Variants in MRTFB observed in about 807,000 individuals in gnomAD.
MRTFB encodes myocardin related transcription factor B.
A neutral mutation model predicts 104.2 loss-of-function variants in MRTFB; 29 were observed. The ratio of observed to expected loss-of-function variants is 0.28; its 90% CI spans 0.21 to 0.38. The LOEUF is 0.38. MRTFB is among the 10% of genes least tolerant of loss of function. The pLI, the probability that MRTFB is intolerant of heterozygous loss-of-function variation, is 1.00. For synonymous variants in MRTFB, 535 were observed against 519.5 expected, an observed-to-expected ratio of 1.03 and a Z score of -0.41; for missense variants, 1,270 against 1,341.6, an observed-to-expected ratio of 0.95 and a Z score of 0.83.
intron 2 of MRTFB, among the ~76,000 whole-genome samples, chr16:14,097,728 C>T (rs1454162023): frequency 6.6e-6 from 1 of 152,202 alleles, no homozygotes; most frequent in Non-Finnish European, 1.5e-5. Flanking sequence ...TGTAATCCTT[C>T]CTGCATGCTC....
chr16:14,224,193 A>G (rs894168965), intron 8 of MRTFB, among the ~76,000 whole-genome samples: 1 of 152,190 alleles, frequency 6.6e-6, no homozygotes, highest in South Asian at 2.1e-4. Flanking sequence ...GTCTGCCCCC[A>G]TGATTCCCAC....
At chr16:14,017,805 A>G in the MRTFB span, among the ~76,000 whole-genome samples, 137 of 142,382 alleles carry the variant, frequency 9.6e-4, 1 homozygote, top group Admixed American at 8.1e-3. Context: ...AACCTCCTCA[A>G]ACTCCTGGGT....
chr16:14,243,864 G>GTTTTTTT lies in MRTFB; in HGVS notation c.1080-1657_1080-1651dup, dbSNP rs56296807. ...CAGAGATTAGTTTTGCCTGTTTTGG[G>GTTTTTTT]TTTTTTTTTTTTTGAGACAGAGTCT... On this transcript the variant is annotated intron_variant, in intron 10 of 16. Transcript: ENST00000571589. Among the ~76,000 whole-genome samples the GTTTTTTT allele has an allele frequency of 2.6e-4, 32 of 124,648 alleles. 2 individuals are homozygous for GTTTTTTT. Among genetic ancestry groups the GTTTTTTT allele is most frequent in the African/African-American group, 1.1e-3 (29 of 26,476 alleles). The allele number at this position is 124,648 out of a possible 152,430, so 81.8% of individuals were successfully genotyped here.
the MRTFB span, among the ~76,000 whole-genome samples, chr16:13,998,454 G>T: frequency 6.6e-6 from 1 of 152,046 alleles, no homozygotes; most frequent in Admixed American, 6.6e-5. Context: ...TTCAAGACCA[G>T]CATGGGCAAC....
At chr16:14,025,799 C>CA in the MRTFB span, among the ~76,000 whole-genome samples, 12 of 151,814 alleles carry the variant, frequency 7.9e-5, no homozygotes, top group African/African-American at 2.2e-4. Context: ...GGGCACCATG[C>CA]AAAAAAATGT....
chr16:14,053,465 G>T, the MRTFB span, among the ~76,000 whole-genome samples: 1 of 152,024 alleles, frequency 6.6e-6, no homozygotes, highest in African/African-American at 2.4e-5. Flanking sequence ...GGGCACAGTG[G>T]CTCACATCTG....
intron 3 of MRTFB, among the ~76,000 whole-genome samples, chr16:14,163,703 G>A (rs564685210): frequency 1.7e-4 from 26 of 151,908 alleles, no homozygotes; most frequent in African/African-American, 5.8e-4. Flanking sequence ...TGTGGTGGCG[G>A]GCACCTGTAA....
intron 2 of MRTFB, among the ~76,000 whole-genome samples, chr16:14,129,152 A>G (rs1251359835): frequency 2.6e-5 from 4 of 152,248 alleles, no homozygotes; most frequent in African/African-American, 9.6e-5. Context: ...TGTTTATTCC[A>G]ATCCATTTAG....
At chr16:14,160,544 G>A (rs891981689) in intron 3 of MRTFB, among the ~76,000 whole-genome samples, 6 of 152,090 alleles carry the variant, frequency 3.9e-5, no homozygotes, top group African/African-American at 1.4e-4. Flanking sequence ...AATACCTTGA[G>A]ACTATAAGAC....
chr16:14,085,817 T>A (rs1296996687), intron 2 of MRTFB, among the ~76,000 whole-genome samples: 1 of 152,216 alleles, frequency 6.6e-6, no homozygotes, highest in East Asian at 1.9e-4. Flanking sequence ...ACATAGACAA[T>A]TATAGTGATA....
intron 6 of MRTFB, among the ~76,000 whole-genome samples, chr16:14,216,760 G>A (rs2041445629): frequency 6.6e-6 from 1 of 152,142 alleles, no homozygotes; most frequent in African/African-American, 2.4e-5. Flanking sequence ...ATCCAGAACT[G>A]TCAACTTCTT....
At chr16:14,260,130 T>A (rs1480191917) in intron 16 of MRTFB, among the ~76,000 whole-genome samples, 2 of 152,216 alleles carry the variant, frequency 1.3e-5, no homozygotes, top group Non-Finnish European at 2.9e-5. Flanking sequence ...GAATAACACA[T>A]AATGAAGACA....
chr16:14,112,371 T>A (rs1346080639), intron 2 of MRTFB, among the ~76,000 whole-genome samples: 1 of 151,464 alleles, frequency 6.6e-6, no homozygotes, highest in Non-Finnish European at 1.5e-5. Flanking sequence ...TGAGGAAGAG[T>A]GGATGACGGG....
At chr16:14,162,133 T>G (rs992732465) in intron 3 of MRTFB, among the ~76,000 whole-genome samples, 2 of 118,834 alleles carry the variant, frequency 1.7e-5, no homozygotes, top group African/African-American at 7.1e-5. Context: ...CTGAGCAACA[T>G]AGGGAGACCC....
At chr16:14,253,385 G>A (rs1361887580) in intron 15 of MRTFB, among the ~76,000 whole-genome samples, 6 of 152,216 alleles carry the variant, frequency 3.9e-5, no homozygotes, top group South Asian at 2.1e-4. Context: ...TATTATCCAC[G>A]GCAAACAGCA....
chr16:14,007,147 A>G, the MRTFB span, among the ~76,000 whole-genome samples: 7 of 152,182 alleles, frequency 4.6e-5, no homozygotes, highest in African/African-American at 1.7e-4. Flanking sequence ...CCATCACTAC[A>G]ATCAATTTCA....
At chr16:14,223,035 A>C (rs2041810029) in intron 8 of MRTFB, among the ~76,000 whole-genome samples, 1 of 152,124 alleles carries the variant, frequency 6.6e-6, no homozygotes, top group African/African-American at 2.4e-5. Context: ...GGCAGGGTGC[A>C]GTGTCTCAGA....
chr16:14,040,443 G>A, the MRTFB span, among the ~76,000 whole-genome samples: 41 of 150,560 alleles, frequency 2.7e-4, 1 homozygote, highest in Non-Finnish European at 4.6e-4. Context: ...GAGTGTTTCC[G>A]TTGCTCTATA....
intron 3 of MRTFB, among the ~76,000 whole-genome samples, chr16:14,208,371 T>C (rs1400848942): frequency 2.0e-5 from 3 of 152,248 alleles, no homozygotes; most frequent in Non-Finnish European, 4.4e-5. Context: ...TTGTGTCTGA[T>C]AGATTTGTCT....
Sources: gnomAD v4.1 joint callset for allele counts (sites outside exome capture counted in the v4.1 genomes callset) on GRCh38, gnomAD v4.1.1 for gene constraint, MANE v1.5 for transcripts, NCBI Gene and HGNC (gene_info 2026-07-23, HGNC 2026-07-21) for gene names.